The following ABCD2 variants were observed in gnomAD, a reference collection of about 807,000 sequenced individuals.
The protein encoded by ABCD2 is ATP-binding cassette sub-family D member 2.
In ABCD2, 36 loss-of-function variants were observed where a neutral mutation model predicts 70.9. That is an observed-to-expected ratio of 0.51 (90% CI 0.39 to 0.67). The LOEUF (loss-of-function observed/expected upper bound fraction) is 0.67, where lower values mean the gene tolerates loss of function less well. Ranked by LOEUF, ABCD2 falls within the 30% of genes least tolerant of loss-of-function variation. ABCD2 has a pLI of 0.00. For synonymous variants in ABCD2, 304 were observed against 306.9 expected (o/e 0.99, Z 0.10); for missense variants, 729 against 890.2 (o/e 0.82, Z 2.30).
At chr12:39,588,292 C>G (rs541692780) in intron 6 of ABCD2, among the ~76,000 whole-genome samples, 5 of 152,096 alleles carry the variant, frequency 3.3e-5, no homozygotes, top group African/African-American at 9.6e-5. Flanking sequence ...TTAATCCAGA[C>G]CCCCCCATAT....
At chr12:39,564,532 A>G (rs951739609) in intron 9 of ABCD2, among the ~76,000 whole-genome samples, 1 of 152,138 alleles carries the variant, frequency 6.6e-6, no homozygotes, top group East Asian at 1.9e-4. Context: ...GATATTAGCC[A>G]TTTGTCAGAT....
chr12:39,602,715 A>G (rs958168357), intron 5 of ABCD2, among the ~76,000 whole-genome samples: 1 of 152,154 alleles, frequency 6.6e-6, no homozygotes, highest in South Asian at 2.1e-4. Flanking sequence ...TATTCTATGT[A>G]AAAGAAATGG....
chr12:39,617,983 C>T (rs1942139830), intron 1 of ABCD2, among the ~76,000 whole-genome samples: 1 of 150,402 alleles, frequency 6.6e-6, no homozygotes, highest in Non-Finnish European at 1.5e-5. Context: ...TAAAAACATT[C>T]TGAAACTCCT....
At position 39,550,850 on chromosome 12, in the gene ABCD2, T is replaced by G. The variant is rs1941078298; in HGVS notation, c.*3062A>C. ...AACATTCTCTGGACTTGGGTTTCAA[T>G]GTGTAACAGATTTTCCTAGACTCAT... On this transcript the variant is annotated 3_prime_UTR_variant, in exon 10 of 10. Transcript: ENST00000308666. 1 of 151,684 alleles carries G rather than the reference T, an allele frequency of 6.6e-6. No individual in the cohort carries two copies. The allele number at this position is 151,684 out of a possible 1,614,324, so 9.4% of individuals were successfully genotyped here.
chr12:39,554,299 AC>A (rs1279734459), intron 9 of ABCD2, among the ~76,000 whole-genome samples, 168 bp from the exon 10 acceptor site: 1 of 152,062 alleles, frequency 6.6e-6, no homozygotes. Context: ...TTTTTTTAAA[AC>A]CCAAAAGTCA....
intron 6 of ABCD2, among the ~76,000 whole-genome samples, chr12:39,595,286 G>A (rs1941801258): frequency 1.3e-5 from 2 of 151,948 alleles, no homozygotes; most frequent in Admixed American, 6.6e-5. Flanking sequence ...GAAAATGAGA[G>A]GCAGTGAGTA....
downstream of ABCD2, among the ~76,000 whole-genome samples, chr12:39,547,898 A>T (rs557117905): frequency 2.0e-5 from 3 of 151,882 alleles, no homozygotes; most frequent in Non-Finnish European, 1.5e-5. Context: ...TTGTGTGTGT[A>T]TATGTGTATG....
At chr12:39,618,322 T>C (rs568126853) in intron 1 of ABCD2, among the ~76,000 whole-genome samples, 10 of 152,344 alleles carry the variant, frequency 6.6e-5, no homozygotes, top group African/African-American at 2.2e-4. Context: ...TCTAAATATA[T>C]ATTTTCTTCT....
chr12:39,600,499 G>C, intron 6 of ABCD2, 72 bp downstream of exon 6: 1 of 1,330,302 alleles, frequency 7.5e-7, no homozygotes, highest in East Asian at 2.4e-5. Context: ...TATAAACTGA[G>C]GAACTTGAGG....
chr12:39,531,157 T>C, the ABCD2 span, among the ~76,000 whole-genome samples: 5 of 152,152 alleles, frequency 3.3e-5, no homozygotes, highest in Admixed American at 3.3e-4. Flanking sequence ...GCTTACATTC[T>C]AGTGGGGGTA....
At chr12:39,604,692 CT>C in intron 4 of ABCD2, 69 bp downstream of exon 4, 1 of 1,267,084 alleles carries the variant, frequency 7.9e-7, no homozygotes, top group Non-Finnish European at 1.1e-6. Context: ...TAAAAGCTAC[CT>C]TCTTAAACTT....
intron 9 of ABCD2, among the ~76,000 whole-genome samples, chr12:39,569,625 C>T (rs1351354421): frequency 6.6e-6 from 1 of 151,884 alleles, no homozygotes. Flanking sequence ...TGGTCTGCAC[C>T]CACTGTCCTG....
At chr12:39,583,803 G>A (rs370338868) in intron 7 of ABCD2, among the ~76,000 whole-genome samples, 1 of 152,132 alleles carries the variant, frequency 6.6e-6, no homozygotes, top group African/African-American at 2.4e-5. Context: ...GCATTAGTTT[G>A]CTAAGGATGA....
At chr12:39,584,519 T>C (rs1475123202) in intron 7 of ABCD2, among the ~76,000 whole-genome samples, 4 of 152,226 alleles carry the variant, frequency 2.6e-5, no homozygotes, top group African/African-American at 9.6e-5. Context: ...CTCTTAAATT[T>C]AATTAGATCT....
intron 5 of ABCD2, among the ~76,000 whole-genome samples, chr12:39,603,557 T>G (rs1016648329): frequency 3.9e-5 from 6 of 152,088 alleles, no homozygotes; most frequent in African/African-American, 1.4e-4. Context: ...TCTATTCATA[T>G]TTTAGTAAAT....
intron 7 of ABCD2, 129 bp downstream of exon 7, chr12:39,586,023 C>A: frequency 1.3e-6 from 1 of 794,048 alleles, no homozygotes. Flanking sequence ...AATAAAACTC[C>A]ATCTTTACAC....
intron 9 of ABCD2, among the ~76,000 whole-genome samples, chr12:39,567,092 A>T (rs1449429675): frequency 6.6e-6 from 1 of 152,210 alleles, no homozygotes; most frequent in African/African-American, 2.4e-5. Flanking sequence ...TGGTGCTTAG[A>T]AGAATGTATA....
rs145994192 is a variant in ABCD2 at position 39,619,282 on chromosome 12, C to G, written c.334G>C (p.Val112Leu). The G allele has an allele frequency of 1.2e-6, 2 of 1,614,048 alleles. No homozygotes were observed. The highest frequency in any genetic ancestry group is 1.7e-6 in the Non-Finnish European group (2 of 1,180,054). Residue 112 changes from valine (V) to leucine (L), a missense_variant, in exon 1 of 10, where the codon GTG becomes CTG. Coordinates refer to ENST00000308666, the MANE Select transcript of ABCD2 (RefSeq NM_005164.4). ...AGAAAGGTTCTTGAGATTAGAGCCACTGAGTGCAGGCAGAGCCACCCTGTT... is the reference window on the plus strand; with the variant it reads ...AGAAAGGTTCTTGAGATTAGAGCCAGTGAGTGCAGGCAGAGCCACCCTGTT... ...TETGWLCLHS[V>L]ALISRTFLSI...
At chr12:39,589,447 C>T (rs1941713386) in intron 6 of ABCD2, among the ~76,000 whole-genome samples, 1 of 138,306 alleles carries the variant, frequency 7.2e-6, no homozygotes, top group Non-Finnish European at 1.5e-5. Context: ...AGTGCAGTGG[C>T]GCCATCTCGG....
Sources: gnomAD v4.1 joint callset for allele counts (sites outside exome capture counted in the v4.1 genomes callset) on GRCh38, gnomAD v4.1.1 for gene constraint, MANE v1.5 for transcripts, NCBI Gene and HGNC (gene_info 2026-07-23, HGNC 2026-07-21) for gene names.